Variants in PCDHA3 observed in about 807,000 individuals in gnomAD.
PCDHA3 encodes the protein protocadherin alpha-3.
Under a neutral mutation model 62.2 loss-of-function variants are expected in PCDHA3, and 41 were observed. That is an observed-to-expected ratio of 0.66 (90% CI 0.51 to 0.86). The LOEUF (loss-of-function observed/expected upper bound fraction) is 0.86. Among genes scored for constraint, PCDHA3 ranks in the 40% least tolerant of loss-of-function variants. The pLI is 0.00. For missense variants in PCDHA3, 1,304 were observed against 1,241.2 expected (o/e 1.05, Z -0.76); for synonymous variants, 640 against 555.4 (o/e 1.15, Z -2.14).
chr5:140,996,283 C>T (rs2097719869), intron 3 of PCDHA3, among the ~76,000 whole-genome samples: 1 of 152,172 alleles, frequency 6.6e-6, no homozygotes, highest in African/African-American at 2.4e-5. Context: ...TGCCAAATTT[C>T]AAGAAGCACA....
chr5:140,809,107 G>A, intron 1 of PCDHA3: 2 of 1,613,952 alleles, frequency 1.2e-6, no homozygotes, highest in Admixed American at 1.7e-5. Flanking sequence ...TGGACGAAAC[G>A]GACGCTCCGC....
At chr5:140,998,853 T>G (rs575455675) in intron 3 of PCDHA3, among the ~76,000 whole-genome samples, 1 of 152,346 alleles carries the variant, frequency 6.6e-6, no homozygotes, top group South Asian at 2.1e-4. Flanking sequence ...GTGAGCCACA[T>G]GCCTGGCCTT....
At chr5:140,982,823 G>A (rs1187029355) in intron 3 of PCDHA3, among the ~76,000 whole-genome samples, 2 of 151,450 alleles carry the variant, frequency 1.3e-5, no homozygotes, top group South Asian at 2.1e-4. Context: ...GAAGTTTTTG[G>A]GGTTTGTTTG....
At chr5:140,924,903 AAAT>A (rs782701584) in intron 1 of PCDHA3, among the ~76,000 whole-genome samples, 3,132 of 54,516 alleles carry the variant, frequency 0.057, 46 homozygotes, top group African/African-American at 0.096. Context: ...TCAAAAAAAA[AAAT>A]AAAATAAAAT....
intron 1 of PCDHA3, among the ~76,000 whole-genome samples, chr5:140,888,860 A>C (rs1349587487): frequency 6.6e-6 from 1 of 152,086 alleles, no homozygotes; most frequent in Non-Finnish European, 1.5e-5. Flanking sequence ...GAGTGAGACC[A>C]TGTCTCAACA....
At chr5:140,905,622 T>G (rs962403940) in intron 1 of PCDHA3, among the ~76,000 whole-genome samples, 3 of 152,236 alleles carry the variant, frequency 2.0e-5, no homozygotes, top group Non-Finnish European at 4.4e-5. Context: ...AGATTGCTTT[T>G]GACAGTATGG....
intron 1 of PCDHA3, chr5:140,842,909 C>T: frequency 6.3e-7 from 1 of 1,594,530 alleles, no homozygotes; most frequent in Non-Finnish European, 8.6e-7. Flanking sequence ...GGAGCTAGAG[C>T]TGCTGCAGTT....
intron 1 of PCDHA3, chr5:140,852,499 A>G: frequency 3.9e-6 from 1 of 258,480 alleles, no homozygotes; most frequent in Non-Finnish European, 6.5e-6. Context: ...GTTGGTCTCG[A>G]ACTCCTGACC....
intron 1 of PCDHA3, chr5:140,871,107 G>A (rs1554165128): frequency 1.2e-6 from 2 of 1,613,306 alleles, no homozygotes; most frequent in Admixed American, 1.7e-5. Flanking sequence ...TGGTGTCGTT[G>A]GTGGAGAGCG....
At chr5:140,828,278 C>A (rs1158544001) in intron 1 of PCDHA3, 4 of 1,613,994 alleles carry the variant, frequency 2.5e-6, no homozygotes, top group Non-Finnish European at 3.4e-6. Flanking sequence ...GGTGCCGCGC[C>A]TGTTCAGGAT....
intron 1 of PCDHA3, among the ~76,000 whole-genome samples, chr5:140,895,800 T>C (rs1352398048): frequency 6.6e-6 from 1 of 152,182 alleles, no homozygotes; most frequent in Non-Finnish European, 1.5e-5. Context: ...ATATGTACAA[T>C]ACTGTATTGT....
chr5:141,008,579 T>C (rs1554261820), intron 3 of PCDHA3, among the ~76,000 whole-genome samples: 1 of 152,232 alleles, frequency 6.6e-6, no homozygotes, highest in African/African-American at 2.4e-5. Flanking sequence ...TTCCCAAGAC[T>C]CAGGGCAGAT....
intron 1 of PCDHA3, chr5:140,809,824 C>A: frequency 2.6e-6 from 1 of 381,262 alleles, no homozygotes; most frequent in Non-Finnish European, 4.6e-6. Context: ...TATATTCACC[C>A]TCTTTGTTTT....
At chr5:140,815,379 C>T (rs2126663847) in intron 1 of PCDHA3, 4 of 152,020 alleles carry the variant, frequency 2.6e-5, no homozygotes, top group Admixed American at 2.6e-4. Context: ...TTTGTGGTTA[C>T]CATGGGGCTT....
At chr5:140,853,680 C>CTATCCTTAGACCTGCTAACGCATTAGCAT in intron 1 of PCDHA3, 1 of 988,078 alleles carries the variant, frequency 1.0e-6, no homozygotes, top group South Asian at 4.7e-5. Context: ...TATGGTCAAC[C>CTATCCTTAGACCTGCTAACGCATTAGCAT]TATCCTTAGA....
chr5:140,920,116 C>A (rs376109883), intron 1 of PCDHA3, among the ~76,000 whole-genome samples: 72 of 152,304 alleles, frequency 4.7e-4, no homozygotes, highest in African/African-American at 1.6e-3. Context: ...ACCTTGCCAA[C>A]ATCTTGAGTT....
chr5:140,817,516 T>C (rs1343566593), intron 1 of PCDHA3: 2 of 152,260 alleles, frequency 1.3e-5, no homozygotes, highest in Admixed American at 6.5e-5. Context: ...AATTATTTTA[T>C]TGATTTCCTC....
intron 1 of PCDHA3, chr5:140,828,866 A>T (rs1769994516): frequency 6.2e-7 from 1 of 1,614,126 alleles, no homozygotes; most frequent in Admixed American, 1.7e-5. Context: ...AGACAACGGA[A>T]CAACAGTTAT....
intron 3 of PCDHA3, among the ~76,000 whole-genome samples, chr5:141,005,628 G>C: frequency 6.7e-6 from 1 of 148,974 alleles, no homozygotes; most frequent in Non-Finnish European, 1.5e-5. Context: ...CGTGAACCCG[G>C]GAGGCGGAGC....
Sources: allele counts gnomAD v4.1 joint callset (sites outside exome capture counted in the v4.1 genomes callset), GRCh38; gene constraint gnomAD v4.1.1; transcripts MANE v1.5; gene names NCBI Gene and HGNC (gene_info 2026-07-23, HGNC 2026-07-21).